MPHOSPH9: variants seen among roughly 807,000 people sequenced by gnomAD.
MPHOSPH9 encodes M-phase phosphoprotein 9.
In MPHOSPH9, 88 loss-of-function variants were observed where a neutral mutation model predicts 145.5. The ratio of observed to expected loss-of-function variants is 0.60; its 90% confidence interval spans 0.51 to 0.72. The LOEUF (loss-of-function observed/expected upper bound fraction) is 0.72, where lower values mean the gene tolerates loss of function less well. Ranked by LOEUF, MPHOSPH9 falls within the 30% of genes least tolerant of loss-of-function variation. The probability of loss-of-function intolerance (pLI) is 0.00; values close to 1 mark genes in which losing one functional copy is unlikely to be tolerated. For synonymous variants in MPHOSPH9, 435 were observed against 486.2 expected (o/e 0.89, Z 1.39); for missense variants, 1,238 against 1,386.6 (o/e 0.89, Z 1.70).
At chr12:123,190,967 T>C (rs2045650731) in intron 13 of MPHOSPH9, among the ~76,000 whole-genome samples, 1 of 152,178 alleles carries the variant, frequency 6.6e-6, no homozygotes, top group African/African-American at 2.4e-5. Context: ...ATTCTAGCTA[T>C]CCTTTGCTGC....
chr12:123,162,861 T>G, intron 20 of MPHOSPH9, 153 bp downstream of exon 20: 1 of 687,146 alleles, frequency 1.5e-6, no homozygotes, highest in South Asian at 2.9e-5. Flanking sequence ...TGCAGTACTT[T>G]AGTTGTAGTA....
At chr12:123,201,776 A>G (rs2046233664) in intron 11 of MPHOSPH9, among the ~76,000 whole-genome samples, 1 of 152,170 alleles carries the variant, frequency 6.6e-6, no homozygotes, top group South Asian at 2.1e-4. Flanking sequence ...ATAGGTATGA[A>G]GCTATCCTGA....
downstream of MPHOSPH9, chr12:123,153,488 T>C (rs903403828): frequency 6.6e-6 from 1 of 152,136 alleles, no homozygotes; most frequent in African/African-American, 2.4e-5. Flanking sequence ...ACCTCAAGGC[T>C]GGGCGCAGTG....
At position 123,221,495 on chromosome 12, in the gene MPHOSPH9, A is replaced by G; in HGVS notation, c.749T>C (p.Ile250Thr). 6.2e-7 allele frequency: 1 copy of G among 1,614,180 alleles called. No homozygotes were observed. Among genetic ancestry groups the G allele is most frequent in the African/African-American group, 1.3e-5 (1 of 75,074 alleles). The part of the protein sequence containing the change: ...VDGVKNENFY[I>T]QTPEECHVSL... ...CACATGACACTCTTCAGGAGTCTGT[A>G]TATAAAAATTCTCATTTTTCACACC... The change falls in exon 5 of 24, where the codon ATA (isoleucine) becomes ACA (threonine). Residue 250 changes from isoleucine to threonine, a missense_variant. Ile to Thr is a moderately conservative substitution (Grantham distance 89). Around this residue, in one of 3 missense-constraint regions of MPHOSPH9, gnomAD observed 837 missense variants for 897.5 expected, o/e 0.93. Transcript: ENST00000606320.
At chr12:123,233,144 C>A (rs1258686064), upstream of MPHOSPH9, 1 of 34,072 alleles carries the variant, frequency 2.9e-5, no homozygotes, top group East Asian at 2.6e-3. Flanking sequence ...CCCGAGGGAG[C>A]GCGCGCGCGC....
At chr12:123,228,072 T>A (rs1565979461) in intron 2 of MPHOSPH9, among the ~76,000 whole-genome samples, 2 of 152,204 alleles carry the variant, frequency 1.3e-5, no homozygotes, top group Non-Finnish European at 2.9e-5. Context: ...GATGCTTATC[T>A]CTGCACTATC....
At chr12:123,209,411 T>A (rs187964068) in intron 8 of MPHOSPH9, among the ~76,000 whole-genome samples, 7,199 of 151,676 alleles carry the variant, frequency 0.047, 315 homozygotes, top group East Asian at 0.27. Flanking sequence ...CACACACAGT[T>A]TTTTTTTTCT....
intron 11 of MPHOSPH9, among the ~76,000 whole-genome samples, chr12:123,201,165 A>C (rs879816163): frequency 3.3e-5 from 5 of 152,204 alleles, no homozygotes; most frequent in Non-Finnish European, 5.9e-5. Context: ...AGCCATGTTA[A>C]CTACCACAGC....
rs141348036 is a variant in MPHOSPH9 at position 123,161,232 on chromosome 12, G to A, written c.3285C>T (p.Val1095=). 15 of 1,614,014 alleles carry A rather than the reference G, an allele frequency of 9.3e-6. No homozygotes were observed. The highest frequency in any genetic ancestry group is 1.2e-5 in the Non-Finnish European group (14 of 1,180,036). ...ATTCAAAATCATTCCCCTGTGGAGT[G>A]ACTGAAACCGGCTTACACTGTTCGT... ...VSYEQCKPVS[V]TPQGNDFEYT... Residue 1095 remains valine, a synonymous_variant, in exon 22 of 24, where the codon GTC becomes GTT. Transcript: ENST00000606320.
rs1456559530 is a variant in MPHOSPH9, at chr12:123,198,297, T to G, written c.1975A>C (p.Ser659Arg). The part of the protein sequence containing the change: ...QLDSALHEAT[S>R]RVRTLENKNN... ...TTATTTTCAAGTGTTCTCACGCGAC[T>G]AGTAGCTTCATGCAAAGCACTATCT... Residue 659 changes from serine to arginine, a missense_variant, in exon 12 of 24, where the codon AGT becomes CGT. By Grantham distance (110) the Ser-to-Arg change is moderately radical. Around this residue, in one of 3 missense-constraint regions of MPHOSPH9, gnomAD observed 837 missense variants for 897.5 expected, o/e 0.93. Transcript: ENST00000606320. 1 of 1,612,540 alleles carries G rather than the reference T, an allele frequency of 6.2e-7. No homozygotes were observed. The highest frequency in any genetic ancestry group is 8.5e-7 in the Non-Finnish European group (1 of 1,179,234).
chr12:123,191,654 A>G (rs1245647121), intron 13 of MPHOSPH9, among the ~76,000 whole-genome samples: 1 of 152,170 alleles, frequency 6.6e-6, no homozygotes, highest in African/African-American at 2.4e-5. Context: ...ACTCAACAGA[A>G]AAAATGAGAC....
chr12:123,165,445 G>T lies in MPHOSPH9; in HGVS notation c.2624C>A (p.Pro875His), dbSNP rs750784465. The T allele has an allele frequency of 2.5e-6, 4 of 1,613,818 alleles. No individual in the cohort carries two copies. Among genetic ancestry groups the T allele is most frequent in the Non-Finnish European group, 3.4e-6 (4 of 1,179,952 alleles). The change falls in exon 18 of 24, where the codon CCT becomes CAT. Residue 875 changes from proline (P) to histidine (H), a missense_variant. Pro to His is a moderately conservative substitution (Grantham distance 77). Coordinates refer to ENST00000606320, the MANE Select transcript of MPHOSPH9 (RefSeq NM_022782.4). ...CAACAAGCTTGTTGATGAACTTCCA[G>T]GTGAAGAATCCTTTTCCAGAGGTGA... ...HRSPLEKDSS[P>H]GSSSTSLLIK...
In MPHOSPH9 at chr12:123,202,912, T is replaced by C; in HGVS notation, c.1493A>G (p.Asn498Ser). The C allele has an allele frequency of 6.2e-7, 1 of 1,614,168 alleles. No individual in the cohort carries two copies. Among genetic ancestry groups the C allele is most frequent in the South Asian group, 1.1e-5 (1 of 91,070 alleles). ...AAATCCAGGTAACTGAGAAGTGACA[T>C]TACTTGCTTGTGAAAATGAGTCTAT... Reference protein sequence around the residue: ...SDIDSFSQASNVTSQLPGFPK... With the variant: ...SDIDSFSQASSVTSQLPGFPK... Residue 498 changes from asparagine to serine, a missense_variant, in exon 10 of 24, where the codon AAT (asparagine) becomes AGT (serine). Asn to Ser is a conservative substitution (Grantham distance 46, BLOSUM62 1). This residue lies in a region of MPHOSPH9 where 837 missense variants were observed against 897.5 expected (regional missense o/e 0.93). Transcript: ENST00000606320.
chr12:123,152,512 T>A (rs1015582051), downstream of MPHOSPH9: 2 of 454,668 alleles, frequency 4.4e-6, no homozygotes, highest in African/African-American at 4.0e-5. Flanking sequence ...ACTGTTACAG[T>A]GAAATTGTTA....
At chr12:123,189,619 G>T (rs2045588362) in intron 13 of MPHOSPH9, among the ~76,000 whole-genome samples, 1 of 152,078 alleles carries the variant, frequency 6.6e-6, no homozygotes, top group Admixed American at 6.6e-5. Context: ...TCTCACAAGT[G>T]AAAAAAGTTG....
intron 5 of MPHOSPH9, among the ~76,000 whole-genome samples, chr12:123,220,004 G>T (rs1005609485): frequency 1.1e-4 from 16 of 152,224 alleles, no homozygotes; most frequent in Non-Finnish European, 2.4e-4. Context: ...GACCAGCCTG[G>T]CCAACACGGC....
In MPHOSPH9 at chr12:123,162,224, G is replaced by T; in HGVS notation, c.3030-6C>A. 1.4e-6 allele frequency: 2 copies of T among 1,440,456 alleles called. No homozygotes were observed. The highest frequency in any genetic ancestry group is 1.5e-5 in the South Asian group (1 of 64,696). The allele number at this position is 1,440,456 out of a possible 1,614,324, so 89.2% of individuals were successfully genotyped here. On this transcript the variant is annotated splice_polypyrimidine_tract_variant and splice_region_variant and intron_variant, in intron 20 of 23. Coordinates refer to ENST00000606320, the MANE Select transcript of MPHOSPH9 (RefSeq NM_022782.4). ...CATCCAAAAGTATATCAAATCTATTGAATGAAGCAAGTTACTTGTGAGAAA... is the reference window on the plus strand; with the variant it reads ...CATCCAAAAGTATATCAAATCTATTTAATGAAGCAAGTTACTTGTGAGAAA...
chr12:123,168,119 C>T (rs1673457733), intron 16 of MPHOSPH9, among the ~76,000 whole-genome samples: 1 of 152,130 alleles, frequency 6.6e-6, no homozygotes, highest in African/African-American at 2.4e-5. Flanking sequence ...TGACTAGGTC[C>T]TCTTGATCTA....
intron 20 of MPHOSPH9, 39 bp downstream of exon 20, chr12:123,162,975 A>T: frequency 6.6e-7 from 1 of 1,510,748 alleles, no homozygotes; most frequent in Non-Finnish European, 8.8e-7. Flanking sequence ...AAAAATCACT[A>T]ATATAGTAAA....
Sources: gnomAD v4.1 joint callset for allele counts (sites outside exome capture counted in the v4.1 genomes callset) on GRCh38, gnomAD v4.1.1 for gene constraint, gnomAD v4.1.1 regional missense constraint, MANE v1.5 for transcripts, NCBI Gene and HGNC (gene_info 2026-07-23, HGNC 2026-07-21) for gene names.